The following ZIM3 variants were observed in gnomAD, a reference collection of about 807,000 sequenced individuals.
The protein encoded by ZIM3 is zinc finger protein 657.
Under a neutral mutation model 12.9 loss-of-function variants are expected in ZIM3, and 11 were observed. The ratio of observed to expected loss-of-function variants is 0.85; its 90% confidence interval spans 0.54 to 1.41. The LOEUF (loss-of-function observed/expected upper bound fraction) is 1.41, where lower values mean the gene tolerates loss of function less well. ZIM3 is among the 40% of genes most tolerant of loss of function. The pLI, the probability that ZIM3 is intolerant of heterozygous loss-of-function variation, is 0.00. For missense variants in ZIM3, 604 were observed against 557.2 expected (o/e 1.08, Z -0.85); for synonymous variants, 205 against 198.5 (o/e 1.03, Z -0.28).
chr19:57,137,064 G>C, intron 3 of ZIM3, 93 bp from the exon 4 acceptor site: 1 of 1,190,308 alleles, frequency 8.4e-7, no homozygotes. Flanking sequence ...GCGTATGCTT[G>C]TGTGAATATT....
At chr19:57,136,469 C>A (rs75836043) in intron 4 of ZIM3, among the ~76,000 whole-genome samples, 10,174 of 151,634 alleles carry the variant, frequency 0.067, 800 homozygotes, top group East Asian at 0.42. Context: ...TCAAGACCAG[C>A]CTGACCAACA....
intron 2 of ZIM3, 131 bp downstream of exon 2, chr19:57,142,498 T>C: frequency 1.0e-6 from 1 of 960,280 alleles, no homozygotes; most frequent in Non-Finnish European, 1.6e-6. Context: ...AGAGTGTGTG[T>C]TACCTTTTAA....
rs2086889640 is a variant in ZIM3, at chr19:57,136,912, A to G, written c.202T>C (p.Trp68Arg). Residue 68 changes from tryptophan (W) to arginine (R), a missense_variant, in exon 4 of 5, where the codon TGG becomes CGG. Transcript: ENST00000269834. ...ILRLEQGKEP[W>R]LEEEEVLGSG... ...CCCAGCACTTCCTCTTCCTCCAACC[A>G]TGGCTCCTTTCCTTGTTCCAACCTC... 6 of 1,613,854 alleles carry G rather than the reference A, an allele frequency of 3.7e-6. No individual in the cohort carries two copies. Among genetic ancestry groups the G allele is most frequent in the Non-Finnish European group, 5.1e-6 (6 of 1,180,006 alleles).
Position 57,135,716 on chromosome 19 carries a change from C to G in ZIM3, c.621G>C (p.Lys207Asn), listed in dbSNP as rs1276156185. The change falls in exon 5 of 5, where the codon AAG becomes AAC. Residue 207 changes from lysine (K) to asparagine (N), a missense_variant. Lys to Asn is a moderately conservative substitution (Grantham distance 94, BLOSUM62 0). Transcript: ENST00000269834. ...TTTTCTGATGTTTATCAAGCTTCCA[C>G]TTCTCCCCGAATGCTCTTCCACAGC... ...CHSCGRAFGE[K>N]WKLDKHQKTH... is the part of the protein sequence containing the mutation. 7.4e-6 allele frequency: 12 copies of G among 1,613,774 alleles called. No individual in the cohort carries two copies. Among genetic ancestry groups the G allele is most frequent in the Non-Finnish European group, 9.3e-6 (11 of 1,180,010 alleles).
chr19:57,137,538 C>G (rs544862828), intron 3 of ZIM3, among the ~76,000 whole-genome samples: 1 of 151,438 alleles, frequency 6.6e-6, no homozygotes, highest in South Asian at 2.1e-4. Context: ...CATGGAGAAA[C>G]CCCATCTGTG....
At chr19:57,141,398 CAAAA>C (rs66633580) in intron 2 of ZIM3, among the ~76,000 whole-genome samples, 1,452 of 105,428 alleles carry the variant, frequency 0.014, 25 homozygotes, top group African/African-American at 0.048. Flanking sequence ...GAGACTGTCT[CAAAA>C]AAAAAAAAAA....
intron 2 of ZIM3, among the ~76,000 whole-genome samples, chr19:57,139,652 G>A (rs1488079698): frequency 1.3e-5 from 2 of 151,810 alleles, no homozygotes; most frequent in South Asian, 2.1e-4. Flanking sequence ...CTTGAACCCT[G>A]GGAGGTGGAG....
In ZIM3 at chr19:57,137,128, G is replaced by A. The variant is rs573242389; in HGVS notation, c.143-157C>T. Among the ~76,000 whole-genome samples, 18 of 152,246 alleles carry A rather than the reference G, an allele frequency of 1.2e-4. No individual in the cohort carries two copies. In the East Asian group the frequency reaches 3.5e-3, roughly 29 times the overall value. On this transcript the variant is annotated intron_variant, in intron 3 of 4. Coordinates refer to ENST00000269834, the MANE Select transcript of ZIM3 (RefSeq NM_052882.1). ...AGTGTGTGGGTATGTGCCATTGGTT[G>A]GGGGGAGTTGTGTGGATGGATGGTT...
Position 57,138,618 on chromosome 19 carries a change from A to G in ZIM3, c.16-20T>C. 1.2e-6 allele frequency: 2 copies of G among 1,613,652 alleles called. No individual in the cohort carries two copies. The highest frequency in any genetic ancestry group is 1.7e-4 in the Middle Eastern group (1 of 6,058). ...TCTTCCCTGTAACAACAGATTCCCG[A>G]TCAGTATAAAAATGCCATTGAATCC... On this transcript the variant is annotated intron_variant, in intron 2 of 4. Transcript: ENST00000269834.
chr19:57,137,744 G>T (rs567935686), intron 3 of ZIM3, among the ~76,000 whole-genome samples: 1 of 146,950 alleles, frequency 6.8e-6, no homozygotes, highest in Admixed American at 6.7e-5. Flanking sequence ...AGCTATGATT[G>T]CACCACTGCA....
At chr19:57,137,809 A>G (rs2086893329) in intron 3 of ZIM3, among the ~76,000 whole-genome samples, 1 of 149,526 alleles carries the variant, frequency 6.7e-6, no homozygotes, top group Non-Finnish European at 1.5e-5. Context: ...ATAAAGAAAG[A>G]GAGAGGAATG....
rs1181156309 is a variant in ZIM3, at chr19:57,135,266, G to A, written c.1071C>T (p.His357=). The A allele has an allele frequency of 6.2e-7, 1 of 1,613,962 alleles. No individual in the cohort carries two copies. The highest frequency in any genetic ancestry group is 2.2e-5 in the East Asian group (1 of 44,876). Residue 357 remains histidine, a synonymous_variant, in exon 5 of 5, where the codon CAC becomes CAT. Transcript: ENST00000269834. The part of the protein sequence containing the change: ...KSNVIDHEKI[H]TGKRAYECDL... ...CACACTCATAAGCTCTCTTCCCAGT[G>A]TGAATTTTCTCATGATCGATGACAT...
At position 57,136,948 on chromosome 19, in the gene ZIM3, C is replaced by G. The variant is rs754629267; in HGVS notation, c.166G>C (p.Asp56His). Residue 56 changes from aspartate to histidine, a missense_variant, in exon 4 of 5, where the codon GAT becomes CAT. Asp to His is a moderately conservative substitution (Grantham distance 81). Transcript: ENST00000269834. ...CCTTGTTCCAACCTCAAGATCACATCGGGTTTGGTGGTTTCCCCTTGTCCT... is the reference window on the plus strand; with the variant it reads ...CCTTGTTCCAACCTCAAGATCACATGGGGTTTGGTGGTTTCCCCTTGTCCT... ...SVGQGETTKPDVILRLEQGKE... is the reference protein window; with the variant it reads ...SVGQGETTKPHVILRLEQGKE... 6.2e-7 allele frequency: 1 copy of G among 1,614,188 alleles called. No homozygotes were observed. Among genetic ancestry groups the G allele is most frequent in the Non-Finnish European group, 8.5e-7 (1 of 1,180,042 alleles).
At chr19:57,136,419 T>G (rs2086886985) in intron 4 of ZIM3, among the ~76,000 whole-genome samples, 1 of 151,798 alleles carries the variant, frequency 6.6e-6, no homozygotes, top group African/African-American at 2.4e-5. Context: ...TCCTAGCACT[T>G]TGGGAGGCTG....
intron 2 of ZIM3, among the ~76,000 whole-genome samples, chr19:57,142,423 G>A (rs2086917716): frequency 6.6e-6 from 1 of 152,078 alleles, no homozygotes. Flanking sequence ...TTACAGGTGT[G>A]AGCCACCATG....
At chr19:57,137,018 T>C in intron 3 of ZIM3, 47 bp from the exon 4 acceptor site, 1 of 1,591,166 alleles carries the variant, frequency 6.3e-7, no homozygotes, top group Non-Finnish European at 8.6e-7. Flanking sequence ...GATGTGTGAG[T>C]TGTTTGTGCA....
At chr19:57,144,630 C>A (rs2086929409) in intron 1 of ZIM3, among the ~76,000 whole-genome samples, 1 of 151,924 alleles carries the variant, frequency 6.6e-6, no homozygotes, top group African/African-American at 2.4e-5. Flanking sequence ...AGCTGTGGGC[C>A]AGCAGTAATG....
intron 2 of ZIM3, 131 bp from the exon 3 acceptor site, chr19:57,138,729 T>A: frequency 8.1e-7 from 1 of 1,241,882 alleles, no homozygotes; most frequent in Admixed American, 2.3e-5. Flanking sequence ...GAAAATAAAT[T>A]GTGCCCAGAG....
rs562135788 is a variant in ZIM3 at position 57,139,840 on chromosome 19, C to T, written c.16-1242G>A. On this transcript the variant is annotated intron_variant, in intron 2 of 4. Transcript: ENST00000269834. ...GTCGACATTCAGACTGGATGGTGCG[C>T]TCCCCTAATTTATCAGCTTTCCTTG... is the stretch of plus-strand genomic sequence containing the variant. Among the ~76,000 whole-genome samples the T allele has an allele frequency of 1.5e-4, 23 of 152,322 alleles. No homozygotes were observed. In the South Asian group the frequency reaches 4.1e-3, roughly 27 times the overall value.
Sources: gnomAD v4.1 joint callset for allele counts (sites outside exome capture counted in the v4.1 genomes callset) on GRCh38, gnomAD v4.1.1 for gene constraint, MANE v1.5 for transcripts, NCBI Gene and HGNC (gene_info 2026-07-23, HGNC 2026-07-21) for gene names.